Variants in ONECUT1 observed in about 807,000 individuals in gnomAD.
ONECUT1 encodes the protein one cut homeobox 1, also known as hepatocyte nuclear factor 6.
A neutral mutation model predicts 25.6 loss-of-function variants in ONECUT1; 12 were observed. That is an observed-to-expected ratio of 0.47 (90% CI 0.30 to 0.76). The LOEUF (loss-of-function observed/expected upper bound fraction) is 0.76, where lower values mean the gene tolerates loss of function less well. Among genes scored for constraint, ONECUT1 ranks in the 30% least tolerant of loss-of-function variants. The pLI, the probability that ONECUT1 is intolerant of heterozygous loss-of-function variation, is 0.07. For missense variants in ONECUT1, 620 were observed against 651.2 expected, an observed-to-expected ratio of 0.95 and a Z score of 0.52; for synonymous variants, 285 against 270.2, an observed-to-expected ratio of 1.05 and a Z score of -0.54.
intron 1 of ONECUT1, among the ~76,000 whole-genome samples, chr15:52,772,252 G>A (rs2083772600): frequency 1.3e-5 from 2 of 152,108 alleles, no homozygotes; most frequent in Non-Finnish European, 2.9e-5. Flanking sequence ...AAATTAGCTG[G>A]GCGTTGTGGC....
intron 1 of ONECUT1, among the ~76,000 whole-genome samples, chr15:52,774,413 G>A (rs2083787117): frequency 6.6e-6 from 1 of 152,028 alleles, no homozygotes; most frequent in South Asian, 2.1e-4. Context: ...TGATTCTCCT[G>A]CCTCAGCCTC....
intron 1 of ONECUT1, among the ~76,000 whole-genome samples, chr15:52,786,206 T>C (rs561984966): frequency 1.3e-5 from 2 of 152,160 alleles, no homozygotes; most frequent in South Asian, 4.1e-4. Context: ...GTTCAGAAAA[T>C]AACCCCACTC....
chr15:52,759,657 G>A (rs2083693991), intron 1 of ONECUT1, among the ~76,000 whole-genome samples: 1 of 152,124 alleles, frequency 6.6e-6, no homozygotes, highest in Non-Finnish European at 1.5e-5. Flanking sequence ...TGGATACAGT[G>A]GTGCAATCTT....
chr15:52,787,399 G>A lies in ONECUT1; in HGVS notation c.1105+1381C>T, dbSNP rs550708752. Reference sequence around the variant, plus strand: ...GGCTGGTCGGCACCTGCCACCCCCAGCTTCTCATTGGCAGGCACGAGTTGG... The same window carrying A: ...GGCTGGTCGGCACCTGCCACCCCCAACTTCTCATTGGCAGGCACGAGTTGG... On this transcript the variant is annotated intron_variant, in intron 1 of 1. Coordinates refer to ENST00000305901, the MANE Select transcript of ONECUT1 (RefSeq NM_004498.4). Among the ~76,000 whole-genome samples, 24 of 152,182 alleles carry A rather than the reference G, an allele frequency of 1.6e-4. No individual in the cohort carries two copies. In the South Asian group the frequency reaches 4.8e-3, roughly 30 times the overall value.
In ONECUT1 at chr15:52,777,358, C is replaced by CG. The variant is rs202005982; in HGVS notation, c.1105+11421_1105+11422insC. On this transcript the variant is annotated intron_variant, in intron 1 of 1. Transcript: ENST00000305901. The stretch of plus-strand genomic sequence containing the variant: ...CTTTTTAAGCAGCACATATTCTCCC[C>CG]CCTTCTCTCCCTCCAATCTGATTTG... Among the ~76,000 whole-genome samples the CG allele has an allele frequency of 7.7e-3, 1,177 of 152,176 alleles. 46 individuals carry two copies. The South Asian group carries it at 0.11, about 14-fold the overall frequency.
At chr15:52,773,070 G>A (rs1335296751) in intron 1 of ONECUT1, among the ~76,000 whole-genome samples, 9 of 152,168 alleles carry the variant, frequency 5.9e-5, no homozygotes, top group Admixed American at 5.9e-4. Flanking sequence ...GCTGGGGCGT[G>A]GGTATGGCAG....
At chr15:52,777,943 T>A (rs1211872672) in intron 1 of ONECUT1, among the ~76,000 whole-genome samples, 1 of 152,196 alleles carries the variant, frequency 6.6e-6, no homozygotes, top group East Asian at 1.9e-4. Flanking sequence ...AATGGCTGAA[T>A]GTAATTCCTA....
At chr15:52,761,768 T>G (rs1250967944) in intron 1 of ONECUT1, among the ~76,000 whole-genome samples, 1 of 152,222 alleles carries the variant, frequency 6.6e-6, no homozygotes, top group Non-Finnish European at 1.5e-5. Context: ...GAAGACTTCT[T>G]GACTACTTGG....
intron 1 of ONECUT1, chr15:52,785,922 G>C (rs2083871770): frequency 6.6e-6 from 1 of 152,252 alleles, no homozygotes; most frequent in African/African-American, 2.4e-5. Context: ...GCAACAGGCT[G>C]CCGGCAACTG....
At position 52,789,856 on chromosome 15, in the gene ONECUT1, A is replaced by G. The variant is rs1233203842; in HGVS notation, c.29T>C (p.Ile10Thr). Reference protein sequence around the residue: MNAQLTMEAIGELHGVSHEP... With the variant: MNAQLTMEATGELHGVSHEP... Reference sequence around the variant, plus strand: ...ATGGCTCACCCCGTGCAGCTCGCCGATCGCTTCCATGGTCAGCTGCGCGTT... The same window carrying G: ...ATGGCTCACCCCGTGCAGCTCGCCGGTCGCTTCCATGGTCAGCTGCGCGTT... The change falls in exon 1 of 2, where the codon ATC becomes ACC. Residue 10 changes from isoleucine (I) to threonine (T), a missense_variant. Ile to Thr is a moderately conservative substitution (Grantham distance 89). Around this residue, in one of 4 missense-constraint regions of ONECUT1, gnomAD observed 440 missense variants for 404.9 expected, o/e 1.09. Transcript: ENST00000305901. The surrounding 1 kb of genome is among the most constrained non-coding windows in gnomAD (Gnocchi z 4.1). The G allele has an allele frequency of 1.3e-6, 2 of 1,543,314 alleles. No homozygotes were observed. The highest frequency in any genetic ancestry group is 1.7e-6 in the Non-Finnish European group (2 of 1,155,656).
intron 1 of ONECUT1, among the ~76,000 whole-genome samples, chr15:52,760,641 T>C (rs1281415887): frequency 6.6e-6 from 1 of 151,932 alleles, no homozygotes; most frequent in Non-Finnish European, 1.5e-5. Context: ...GGGAGCAGCA[T>C]TGTGAAGGAT....
rs57187579 is a variant in ONECUT1, at chr15:52,777,737, C to CACACAAAAAAAA, written c.1105+11042_1105+11043insTTTTTTTTGTGT. ...ACACACACACACACACACACACACA[C>CACACAAAAAAAA]AAAAAAACATGTAAAGTTATTTGTT... On this transcript the variant is annotated intron_variant, in intron 1 of 1. Coordinates refer to ENST00000305901, the MANE Select transcript of ONECUT1 (RefSeq NM_004498.4). Among the ~76,000 whole-genome samples the CACACAAAAAAAA allele has an allele frequency of 5.5e-4, 57 of 103,448 alleles. No individual in the cohort carries two copies. The East Asian group carries it at 6.4e-3, about 12-fold the overall frequency. The allele number at this position is 103,448 out of a possible 152,430, so 67.9% of individuals were successfully genotyped here.
At chr15:52,777,730 A>ACC (rs2083811033) in intron 1 of ONECUT1, among the ~76,000 whole-genome samples, 1 of 128,050 alleles carries the variant, frequency 7.8e-6, no homozygotes, top group South Asian at 2.4e-4. Context: ...ACACACACAC[A>ACC]CACACACAAA....
Position 52,779,942 on chromosome 15 carries a change from T to A in ONECUT1, c.1105+8838A>T, listed in dbSNP as rs115324233. On this transcript the variant is annotated intron_variant, in intron 1 of 1. Coordinates refer to ENST00000305901, the MANE Select transcript of ONECUT1 (RefSeq NM_004498.4). ...ATCCATCAGACAGTAAATGTGGAGC[T>A]GGGGAGGAAAAGGAGTGCTTCCTAA... Among the ~76,000 whole-genome samples the A allele has an allele frequency of 2.4e-3, 359 of 152,296 alleles. 2 individuals carry two copies. The highest frequency in any genetic ancestry group is 8.4e-3 in the African/African-American group (350 of 41,558).
Position 52,788,998 on chromosome 15 carries a change from T to A in ONECUT1, c.887A>T (p.Glu296Val). 1.2e-6 allele frequency: 2 copies of A among 1,610,618 alleles called. No individual in the cohort carries two copies. Among genetic ancestry groups the A allele is most frequent in the Non-Finnish European group, 1.7e-6 (2 of 1,179,974 alleles). ...CTCGGTGGTGATACGCTGCGCCACC[T>A]CTTTGGTATTGATCTCTTCCATCTG... ...SGQMEEINTK[E>V]VAQRITTELK... Residue 296 changes from glutamate to valine, a missense_variant, in exon 1 of 2, where the codon GAG becomes GTG. Glu to Val is a moderately radical substitution (Grantham distance 121). Transcript: ENST00000305901. The surrounding 1 kb of genome is among the most constrained non-coding windows in gnomAD (Gnocchi z 4.3).
rs1398961098 is a variant in ONECUT1 at position 52,789,479 on chromosome 15, G to T, written c.406C>A (p.His136Asn). Residue 136 changes from histidine to asparagine, a missense_variant, in exon 1 of 2, where the codon CAC becomes AAC. By Grantham distance (68) the His-to-Asn change is moderately conservative. Around this residue, in one of 4 missense-constraint regions of ONECUT1, gnomAD observed 440 missense variants for 404.9 expected, o/e 1.09. Transcript: ENST00000305901. This position sits in a 1 kb window ranked among gnomAD's most constrained non-coding sequence, Gnocchi z 4.1. ...TTGCCCGCCAGGCGCTGGTGGTGGT[G>T]CGGGTGGTGGTGGTGATGGTGGTGG... ...HHHHHHHHHP[H>N]HHQRLAGNVS... The T allele has an allele frequency of 1.2e-6, 2 of 1,613,044 alleles. No individual in the cohort carries two copies. Among genetic ancestry groups the T allele is most frequent in the Admixed American group, 1.7e-5 (1 of 59,954 alleles).
intron 1 of ONECUT1, chr15:52,780,569 G>A (rs1428454896): frequency 1.3e-6 from 2 of 1,532,786 alleles, no homozygotes; most frequent in African/African-American, 1.4e-5. Flanking sequence ...GAATTGAAAG[G>A]ACATTTAATA....
chr15:52,788,499 G>A lies in ONECUT1; in HGVS notation c.1105+281C>T. 4.6e-6 allele frequency: 2 copies of A among 435,156 alleles called. No individual in the cohort carries two copies. Among genetic ancestry groups the A allele is most frequent in the Non-Finnish European group, 8.2e-6 (2 of 242,498 alleles). The allele number at this position is 435,156 out of a possible 1,614,324, so 27.0% of individuals were successfully genotyped here. Reference sequence around the variant, plus strand: ...TTTCTCTCCGCCTCAGGCCGTACGAGCTTCCCTCGCTGTCCCTGAGCGCAA... The same window carrying A: ...TTTCTCTCCGCCTCAGGCCGTACGAACTTCCCTCGCTGTCCCTGAGCGCAA... On this transcript the variant is annotated intron_variant, in intron 1 of 1. Coordinates refer to ENST00000305901, the MANE Select transcript of ONECUT1 (RefSeq NM_004498.4). This position sits in a 1 kb window ranked among gnomAD's most constrained non-coding sequence, Gnocchi z 4.3.
intron 1 of ONECUT1, among the ~76,000 whole-genome samples, chr15:52,776,639 C>T (rs2083802899): frequency 6.6e-6 from 1 of 152,232 alleles, no homozygotes. Flanking sequence ...CTTTCAGTCT[C>T]CTTTCCAGTT....
Sources: gnomAD v4.1 joint callset for allele counts (sites outside exome capture counted in the v4.1 genomes callset) on GRCh38, gnomAD v4.1.1 for gene constraint, gnomAD v4.1.1 regional missense constraint, Gnocchi (gnomAD v3.1) non-coding constraint, MANE v1.5 for transcripts, NCBI Gene and HGNC (gene_info 2026-07-23, HGNC 2026-07-21) for gene names.